Variants in CHL1 observed in about 807,000 individuals in gnomAD.
CHL1 encodes the protein cell adhesion molecule L1 like.
Under a neutral mutation model 141.9 loss-of-function variants are expected in CHL1, and 96 were observed. The ratio of observed to expected loss-of-function variants is 0.68; its 90% CI spans 0.57 to 0.80. The LOEUF is 0.80. CHL1 is among the 30% of genes least tolerant of loss of function. The pLI, the probability that CHL1 is intolerant of heterozygous loss-of-function variation, is 0.00. For missense variants in CHL1, 1,820 were observed against 1,457.2 expected, an observed-to-expected ratio of 1.25 and a Z score of -4.05; for synonymous variants, 613 against 502.2, an observed-to-expected ratio of 1.22 and a Z score of -2.95.
intron 15 of CHL1, chr3:376,398 C>G (rs750463308): frequency 1.9e-6 from 1 of 517,308 alleles, no homozygotes; most frequent in East Asian, 5.5e-5. Flanking sequence ...TGGACTGAGG[C>G]TGGAACACGA....
At chr3:226,338 T>C (rs2125013087) in intron 1 of CHL1, among the ~76,000 whole-genome samples, 1 of 146,526 alleles carries the variant, frequency 6.8e-6, no homozygotes, top group South Asian at 2.1e-4. Context: ...AGGCTGAAAA[T>C]TCTGTATTCT....
intron 1 of CHL1, among the ~76,000 whole-genome samples, chr3:233,361 C>G (rs1702027503): frequency 6.6e-6 from 1 of 152,102 alleles, no homozygotes; most frequent in African/African-American, 2.4e-5. Context: ...CTTTTCTATA[C>G]CAGCCCCCAA....
At chr3:315,360 A>T (rs1055004825) in intron 2 of CHL1, among the ~76,000 whole-genome samples, 1 of 152,126 alleles carries the variant, frequency 6.6e-6, no homozygotes, top group Non-Finnish European at 1.5e-5. Flanking sequence ...TCACTTTGTC[A>T]TGTGACCAGT....
chr3:211,214 A>G (rs948131100), intron 1 of CHL1, among the ~76,000 whole-genome samples: 2 of 152,220 alleles, frequency 1.3e-5, no homozygotes, highest in Non-Finnish European at 2.9e-5. Context: ...TATTGATTAC[A>G]GCCACAAATG....
intron 3 of CHL1, among the ~76,000 whole-genome samples, chr3:323,549 T>C (rs1358925830): frequency 6.6e-6 from 1 of 152,116 alleles, no homozygotes; most frequent in Non-Finnish European, 1.5e-5. Context: ...TCAATGAATG[T>C]TTAAAAAACT....
intron 5 of CHL1, among the ~76,000 whole-genome samples, chr3:331,159 A>G (rs1046758222): frequency 1.3e-5 from 2 of 152,184 alleles, no homozygotes; most frequent in Non-Finnish European, 2.9e-5. Flanking sequence ...CACCAGGGTC[A>G]TTAATACAGA....
At chr3:337,991 T>G (rs567677171) in intron 5 of CHL1, among the ~76,000 whole-genome samples, 95 of 152,288 alleles carry the variant, frequency 6.2e-4, no homozygotes, top group Middle Eastern at 3.4e-3. Context: ...CACCAACAGT[T>G]TGAAAGTGTT....
At chr3:405,467 G>T in intron 27 of CHL1, 28 bp from the exon 28 acceptor site, 2 of 1,420,378 alleles carry the variant, frequency 1.4e-6, no homozygotes, top group South Asian at 1.2e-5. Context: ...AGATTTTGTT[G>T]AGCTATTTTT....
intron 1 of CHL1, among the ~76,000 whole-genome samples, chr3:227,379 G>A (rs528158722): frequency 2.0e-5 from 3 of 152,298 alleles, no homozygotes; most frequent in African/African-American, 7.2e-5. Flanking sequence ...TAGTACTGGA[G>A]AGCATTGTGA....
intron 1 of CHL1, among the ~76,000 whole-genome samples, chr3:230,187 T>G (rs561043550): frequency 1.3e-5 from 2 of 152,352 alleles, no homozygotes; most frequent in East Asian, 3.9e-4. Flanking sequence ...ATTCTGAGCA[T>G]TCAGTACATA....
intron 1 of CHL1, among the ~76,000 whole-genome samples, chr3:211,648 G>A: frequency 6.6e-6 from 1 of 152,090 alleles, no homozygotes; most frequent in Non-Finnish European, 1.5e-5. Flanking sequence ...TGACAAACAT[G>A]AGTAGATGTT....
rs762702964 is a variant in CHL1 at position 342,057 on chromosome 3, G to C, written c.654G>C (p.Met218Ile). ...FPRLRTIVQK[M>I]PMKLTVNSLK... The stretch of plus-strand genomic sequence containing the variant: ...GATTAAGGACTATTGTACAGAAAAT[G>C]CCAATGAAACTAACAGTTAACAGTT... The change falls in exon 7 of 28, where the codon ATG (methionine) becomes ATC (isoleucine). Residue 218 changes from methionine (M) to isoleucine (I), a missense_variant. Coordinates refer to ENST00000256509, the MANE Select transcript of CHL1 (RefSeq NM_006614.4). The C allele has an allele frequency of 3.1e-5, 50 of 1,611,846 alleles. 2 individuals are homozygous for C. The South Asian group carries it at 5.5e-4, about 18-fold the overall frequency.
intron 2 of CHL1, among the ~76,000 whole-genome samples, chr3:250,913 A>G (rs1190370132): frequency 6.6e-6 from 1 of 152,174 alleles, no homozygotes; most frequent in Non-Finnish European, 1.5e-5. Context: ...CATTTATTCA[A>G]CGATTGTTTT....
chr3:408,671 T>A lies in CHL1; in HGVS notation c.*2960T>A, dbSNP rs1453834662. 2 of 152,130 alleles carry A rather than the reference T, an allele frequency of 1.3e-5. No individual in the cohort carries two copies. Among genetic ancestry groups the A allele is most frequent in the South Asian group, 2.1e-4 (1 of 4,832 alleles). 9.4% of individuals were successfully genotyped at this position (152,130 alleles called of 1,614,324 possible). A position where few individuals can be genotyped will look rare whatever the true frequency, so the allele number is the denominator to read the frequency against. ...ATATATTTTTATAGAAAAACAAATC[T>A]ACATAAAATAAATCTACTGTTTAGT... is the stretch of plus-strand genomic sequence containing the variant. On this transcript the variant is annotated 3_prime_UTR_variant, in exon 28 of 28. Transcript: ENST00000256509.
At chr3:397,817 C>CA (rs1171989833) in intron 24 of CHL1, among the ~76,000 whole-genome samples, 5 of 150,690 alleles carry the variant, frequency 3.3e-5, no homozygotes, top group Admixed American at 1.3e-4. Context: ...AAGACCAAAG[C>CA]AAAAAAAAGC....
rs78013178 is a variant in CHL1, at chr3:209,789, A to G, written c.-175+12726A>G. 1.1e-3 allele frequency among the ~76,000 whole-genome samples: 168 copies of G among 152,284 alleles called. 2 individuals carry two copies. The South Asian group carries it at 0.026, about 23-fold the overall frequency. ...AAGTGTTCTCATTGAACAGAACCCA[A>G]ATCTTTTAAACGGTTTCTTTTACAA... On this transcript the variant is annotated intron_variant, in intron 1 of 27. Transcript: ENST00000256509.
At chr3:257,860 G>GA (rs1364819683) in intron 2 of CHL1, among the ~76,000 whole-genome samples, 3 of 152,076 alleles carry the variant, frequency 2.0e-5, no homozygotes, top group Non-Finnish European at 2.9e-5. Context: ...GTACAGATAT[G>GA]AAAAAAATCA....
chr3:267,103 A>C (rs1426568274), intron 2 of CHL1, among the ~76,000 whole-genome samples: 1 of 152,196 alleles, frequency 6.6e-6, no homozygotes, highest in African/African-American at 2.4e-5. Context: ...CCTATTTCAC[A>C]GTAGTAGGGA....
intron 2 of CHL1, among the ~76,000 whole-genome samples, chr3:280,909 T>C (rs960098229): frequency 6.7e-5 from 10 of 149,498 alleles, no homozygotes; most frequent in Admixed American, 2.7e-4. Context: ...CACACACACA[T>C]GCACCACACA....
Sources: allele counts gnomAD v4.1 joint callset (sites outside exome capture counted in the v4.1 genomes callset), GRCh38; gene constraint gnomAD v4.1.1; transcripts MANE v1.5; gene names NCBI Gene and HGNC (gene_info 2026-07-23, HGNC 2026-07-21).